The following KCNQ5 variants were observed in gnomAD, a reference collection of about 807,000 sequenced individuals.
The protein encoded by KCNQ5 is potassium voltage-gated channel subfamily Q member 5.
KCNQ5 carries 30 observed loss-of-function variants against 98.2 expected under a neutral mutation model. The observed-to-expected ratio is 0.31, with a 90% CI of 0.23 to 0.41. The LOEUF is 0.41. Ranked by LOEUF, KCNQ5 falls within the 10% of genes least tolerant of loss-of-function variation. The pLI is 1.00. For missense variants in KCNQ5, 835 were observed against 1,182.5 expected (o/e 0.71, Z 4.31); for synonymous variants, 458 against 449.4 (o/e 1.02, Z -0.24).
intron 1 of KCNQ5, among the ~76,000 whole-genome samples, chr6:72,692,311 A>T (rs1378535453): frequency 6.6e-6 from 1 of 152,200 alleles, no homozygotes; most frequent in Admixed American, 6.5e-5. Context: ...AGAGTGAGAA[A>T]CATTCACTGA....
chr6:72,823,182 T>G (rs1317266697), intron 1 of KCNQ5, among the ~76,000 whole-genome samples: 1 of 152,194 alleles, frequency 6.6e-6, no homozygotes, highest in Non-Finnish European at 1.5e-5. Context: ...TGTAATACTT[T>G]TCACATATTG....
intron 1 of KCNQ5, among the ~76,000 whole-genome samples, chr6:72,630,835 T>C (rs1457826578): frequency 6.6e-6 from 1 of 152,166 alleles, no homozygotes; most frequent in Non-Finnish European, 1.5e-5. Context: ...GGGCAATCTT[T>C]GAGGAAGATA....
At position 73,058,342 on chromosome 6, in the gene KCNQ5, G is replaced by A. The variant is rs979756129; in HGVS notation, c.616+16280G>A. 7.2e-5 allele frequency among the ~76,000 whole-genome samples: 11 copies of A among 152,078 alleles called. No individual in the cohort carries two copies. In the South Asian group the frequency reaches 2.3e-3, roughly 32 times the overall value. On this transcript the variant is annotated intron_variant, in intron 3 of 13. Coordinates refer to ENST00000370398, the MANE Select transcript of KCNQ5 (RefSeq NM_019842.4). ...CAGGAGAATGGCGTGAACCCCGGGG[G>A]GCGGAGGCTGCAGTGAGCCGAGATG...
intron 7 of KCNQ5, among the ~76,000 whole-genome samples, chr6:73,119,663 A>G (rs905698737): frequency 6.6e-6 from 1 of 152,182 alleles, no homozygotes; most frequent in African/African-American, 2.4e-5. Context: ...TTCAATCACT[A>G]GCATACCCTG....
At chr6:72,980,768 G>A (rs534368765) in intron 1 of KCNQ5, among the ~76,000 whole-genome samples, 27 of 152,296 alleles carry the variant, frequency 1.8e-4, no homozygotes, top group Admixed American at 4.6e-4. Flanking sequence ...CAAAGGAAAT[G>A]CTTCCAGTTT....
At chr6:72,742,374 TA>T (rs1245297777) in intron 1 of KCNQ5, among the ~76,000 whole-genome samples, 1 of 152,214 alleles carries the variant, frequency 6.6e-6, no homozygotes, top group Non-Finnish European at 1.5e-5. Flanking sequence ...TCAAAGTTCA[TA>T]AGGGTTGCAA....
At chr6:73,137,847 T>C (rs1355462535) in intron 10 of KCNQ5, among the ~76,000 whole-genome samples, 1 of 152,148 alleles carries the variant, frequency 6.6e-6, no homozygotes, top group Non-Finnish European at 1.5e-5. Context: ...AGATATTATA[T>C]CAATTTCCCT....
intron 1 of KCNQ5, among the ~76,000 whole-genome samples, chr6:72,926,315 T>C (rs561122207): frequency 1.3e-5 from 2 of 152,306 alleles, no homozygotes; most frequent in East Asian, 1.9e-4. Flanking sequence ...TATACTGCAT[T>C]AAAAACTAGC....
At chr6:72,940,143 A>G (rs1766152966) in intron 1 of KCNQ5, among the ~76,000 whole-genome samples, 1 of 152,180 alleles carries the variant, frequency 6.6e-6, no homozygotes, top group Non-Finnish European at 1.5e-5. Context: ...GATGTTCTGA[A>G]TCATACCCAA....
chr6:73,177,527 A>C (rs754826458), intron 11 of KCNQ5, among the ~76,000 whole-genome samples: 3 of 152,234 alleles, frequency 2.0e-5, no homozygotes, highest in Non-Finnish European at 2.9e-5. Context: ...GACCATCCCT[A>C]AAATGCAATC....
intron 1 of KCNQ5, among the ~76,000 whole-genome samples, chr6:72,914,110 A>C (rs1780043306): frequency 6.6e-6 from 1 of 152,196 alleles, no homozygotes; most frequent in Non-Finnish European, 1.5e-5. Flanking sequence ...CTGTTTTGTC[A>C]AATACCAAGG....
At chr6:73,180,906 G>A (rs954783391) in intron 11 of KCNQ5, among the ~76,000 whole-genome samples, 4 of 152,090 alleles carry the variant, frequency 2.6e-5, no homozygotes, top group East Asian at 1.9e-4. Flanking sequence ...TCTGTTTGGC[G>A]GTGGCAGCAG....
intron 1 of KCNQ5, among the ~76,000 whole-genome samples, chr6:72,702,592 G>T (rs756037794): frequency 2.0e-5 from 3 of 152,196 alleles, no homozygotes; most frequent in Non-Finnish European, 4.4e-5. Flanking sequence ...CTGTGGAAAT[G>T]CTTTAAGACT....
intron 1 of KCNQ5, among the ~76,000 whole-genome samples, chr6:72,658,575 TATA>T (rs1471646791): frequency 3.7e-5 from 4 of 107,956 alleles, no homozygotes; most frequent in African/African-American, 1.5e-4. Flanking sequence ...TATATATATA[TATA>T]TTTTTTTTTT....
chr6:73,050,310 G>GGAAAGAAGGAA (rs1562147975), intron 3 of KCNQ5, among the ~76,000 whole-genome samples: 1 of 97,212 alleles, frequency 1.0e-5, no homozygotes, highest in African/African-American at 3.3e-5. Context: ...AAGGAAGGAA[G>GGAAAGAAGGAA]GGAGGGAAGA....
chr6:73,027,808 G>A lies in KCNQ5; in HGVS notation c.490-14128G>A, dbSNP rs79051570. ...CTGAATTAATGGAGTCTGAATAGAAGTGATGAATTGTATTAGTGTTCTGGA... is the reference window on the plus strand; with the variant it reads ...CTGAATTAATGGAGTCTGAATAGAAATGATGAATTGTATTAGTGTTCTGGA... On this transcript the variant is annotated intron_variant, in intron 2 of 13. Coordinates refer to ENST00000370398, the MANE Select transcript of KCNQ5 (RefSeq NM_019842.4). Among the ~76,000 whole-genome samples the A allele has an allele frequency of 1.5e-3, 223 of 152,320 alleles. No homozygotes were observed. In the East Asian group the frequency reaches 0.024, roughly 17 times the overall value.
intron 1 of KCNQ5, among the ~76,000 whole-genome samples, chr6:72,711,367 A>G (rs1320410562): frequency 1.3e-5 from 2 of 152,148 alleles, no homozygotes; most frequent in African/African-American, 4.8e-5. Context: ...AGTCTGTGCC[A>G]TTTTGTTATG....
chr6:72,824,330 A>T (rs1775888127), intron 1 of KCNQ5, among the ~76,000 whole-genome samples: 2 of 152,126 alleles, frequency 1.3e-5, no homozygotes, highest in African/African-American at 2.4e-5. Context: ...AAATTATTTT[A>T]AAAAAAGAGA....
chr6:73,089,460 A>G (rs1279438610), intron 5 of KCNQ5, among the ~76,000 whole-genome samples: 1 of 152,088 alleles, frequency 6.6e-6, no homozygotes, highest in Non-Finnish European at 1.5e-5. Context: ...TTTTGGTTAC[A>G]TAAGTAAGTT....
Sources: allele counts gnomAD v4.1 joint callset (sites outside exome capture counted in the v4.1 genomes callset), GRCh38; gene constraint gnomAD v4.1.1; transcripts MANE v1.5; gene names NCBI Gene and HGNC (gene_info 2026-07-23, HGNC 2026-07-21).